The following DISP3 variants were observed in gnomAD, a reference collection of about 807,000 sequenced individuals.
DISP3 encodes the protein dispatched RND transporter family member 3, also known as protein dispatched homolog 3.
Under a neutral mutation model 135.3 loss-of-function variants are expected in DISP3, and 101 were observed. The observed-to-expected ratio is 0.75, with a 90% CI of 0.64 to 0.88. The LOEUF is 0.88. Ranked by LOEUF, DISP3 falls within the 40% of genes least tolerant of loss-of-function variation. DISP3 has a pLI of 0.00. For synonymous variants in DISP3, 856 were observed against 817.0 expected, an observed-to-expected ratio of 1.05 and a Z score of -0.81; for missense variants, 1,713 against 1,878.6, an observed-to-expected ratio of 0.91 and a Z score of 1.63.
At chr1:11,535,720 C>A (rs1363409846) in intron 20 of DISP3, 76 bp downstream of exon 20, 1 of 1,520,714 alleles carries the variant, frequency 6.6e-7, no homozygotes, top group African/African-American at 1.4e-5. Context: ...GAGGGACCCT[C>A]AAGGGCAGCT....
In DISP3 at chr1:11,519,399, GA is replaced by G; in HGVS notation, c.1935del (p.Asp646ThrfsTer86). The G allele has an allele frequency of 6.2e-7, 1 of 1,613,796 alleles. No individual in the cohort carries two copies. Among genetic ancestry groups the G allele is most frequent in the Non-Finnish European group, 8.5e-7 (1 of 1,179,968 alleles). ...CGGAAGACCTCCCTGCACTTCCCCG[GA>G]GACGTGTTTGCCGCTCCCGAGCAGG... ...CSRKTSLHFP[G>X]DVFAAPEQVG... is the part of the protein sequence containing the mutation. On this transcript the variant is annotated frameshift_variant, in exon 8 of 21. Coordinates refer to ENST00000294484, the MANE Select transcript of DISP3 (RefSeq NM_020780.2). LOFTEE classifies it high-confidence loss of function. The surrounding 1 kb of genome is among the most constrained non-coding windows in gnomAD (Gnocchi z 4.3).
At chr1:11,509,306 A>G (rs1641790450) in intron 3 of DISP3, among the ~76,000 whole-genome samples, 1 of 151,908 alleles carries the variant, frequency 6.6e-6, no homozygotes, top group South Asian at 2.1e-4. Flanking sequence ...GTCTTGTTTT[A>G]TGGTTCAGTA....
intron 1 of DISP3, among the ~76,000 whole-genome samples, chr1:11,490,090 AC>A (rs1462034923): frequency 6.7e-6 from 1 of 150,270 alleles, no homozygotes; most frequent in East Asian, 2.0e-4. Flanking sequence ...AGCCTCATAC[AC>A]CCAGGACTTG....
rs143054501 is a variant in DISP3, at chr1:11,501,543, G to T, written c.551G>T (p.Gly184Val). 981 of 1,592,768 alleles carry T rather than the reference G, an allele frequency of 6.2e-4. 11 individuals are homozygous for T. In the East Asian group the frequency reaches 0.021, roughly 34 times the overall value. Residue 184 changes from glycine (G) to valine (V), a missense_variant, in exon 2 of 21, where the codon GGC becomes GTC. Transcript: ENST00000294484. The surrounding 1 kb of genome is among the most constrained non-coding windows in gnomAD (Gnocchi z 4.9). ...VIPAASLGGP[G>V]PYRDTSAAQK... is the part of the protein sequence containing the mutation. ...CCCGCGGCCTCACTCGGTGGCCCAG[G>T]CCCTTACCGGGACACTTCCGCGGCT...
At chr1:11,502,569 CAG>C (rs1413326042) in intron 2 of DISP3, 107 bp from the exon 3 acceptor site, 12 of 855,892 alleles carry the variant, frequency 1.4e-5, no homozygotes, top group Non-Finnish European at 1.8e-5. Flanking sequence ...TGGATATGGA[CAG>C]GGGGAATCCT....
In DISP3 at chr1:11,483,510, C is replaced by T. The variant is rs1280286052; in HGVS notation, c.-4+4138C>T. ...CCAAGGTCACACAGCGAGAAGAGGC[C>T]AAGCTGGGATCAGATTTTGATCTGA... On this transcript the variant is annotated intron_variant, in intron 1 of 20. Coordinates refer to ENST00000294484, the MANE Select transcript of DISP3 (RefSeq NM_020780.2). The surrounding 1 kb of genome is among the most constrained non-coding windows in gnomAD (Gnocchi z 5.4). Among the ~76,000 whole-genome samples the T allele has an allele frequency of 1.3e-5, 2 of 152,304 alleles. No individual in the cohort carries two copies. The highest frequency in any genetic ancestry group is 1.3e-4 in the Admixed American group (2 of 15,300).
intron 1 of DISP3, among the ~76,000 whole-genome samples, chr1:11,480,203 G>T (rs1166625112): frequency 6.6e-6 from 1 of 152,148 alleles, no homozygotes; most frequent in Non-Finnish European, 1.5e-5. Flanking sequence ...GCTTCCCGCT[G>T]TCCCCCACTC....
At chr1:11,497,498 C>T (rs1641368405) in intron 1 of DISP3, among the ~76,000 whole-genome samples, 1 of 152,198 alleles carries the variant, frequency 6.6e-6, no homozygotes, top group Admixed American at 6.5e-5. Flanking sequence ...AGGCCATTCT[C>T]TTGCCTCAGC....
chr1:11,518,876 G>A (rs960197127), intron 7 of DISP3, among the ~76,000 whole-genome samples: 3 of 152,174 alleles, frequency 2.0e-5, no homozygotes, highest in African/African-American at 7.2e-5. Flanking sequence ...GCTCGTATCA[G>A]CCGTGAGGAT....
chr1:11,535,693 C>T (rs1427246749), intron 20 of DISP3, 49 bp downstream of exon 20: 7 of 1,573,774 alleles, frequency 4.4e-6, no homozygotes, highest in Non-Finnish European at 6.0e-6. Context: ...TGGGTCTTCT[C>T]CCACCTGGGT....
At chr1:11,504,776 A>G (rs975736606) in intron 3 of DISP3, among the ~76,000 whole-genome samples, 7 of 152,206 alleles carry the variant, frequency 4.6e-5, no homozygotes, top group African/African-American at 1.7e-4. Flanking sequence ...AGCCAATGCC[A>G]TGCTGTTGAA....
intron 19 of DISP3, 83 bp from the exon 20 acceptor site, chr1:11,535,395 G>A: frequency 4.0e-6 from 6 of 1,504,728 alleles, no homozygotes; most frequent in Non-Finnish European, 5.3e-6. Flanking sequence ...CCTGAGGGTG[G>A]GGGCTGGACT....
intron 3 of DISP3, among the ~76,000 whole-genome samples, chr1:11,512,085 C>T (rs1052531249): frequency 9.9e-5 from 15 of 152,282 alleles, no homozygotes; most frequent in Middle Eastern, 3.4e-3. Context: ...ACCCATGAAA[C>T]CAATTCTTCC....
Position 11,491,495 on chromosome 1 carries a change from C to T in DISP3, c.-3-9495C>T, listed in dbSNP as rs1242504052. 6.6e-6 allele frequency among the ~76,000 whole-genome samples: 1 copy of T among 152,146 alleles called. No homozygotes were observed. The highest frequency in any genetic ancestry group is 1.5e-5 in the Non-Finnish European group (1 of 68,020). ...GTGTGGTGGCATGCACCTGTAGTCT[C>T]AGCTACTTGGGAGGCTGAGCGGGGA... On this transcript the variant is annotated intron_variant, in intron 1 of 20. Transcript: ENST00000294484. The surrounding 1 kb of genome is among the most constrained non-coding windows in gnomAD (Gnocchi z 4.3).
intron 2 of DISP3, 94 bp downstream of exon 2, chr1:11,502,182 A>G: frequency 1.4e-6 from 2 of 1,468,896 alleles, no homozygotes; most frequent in African/African-American, 1.4e-5. Context: ...GCCCAGGCCC[A>G]GGCCCAGTCA....
chr1:11,492,338 G>A (rs1414178560), intron 1 of DISP3, among the ~76,000 whole-genome samples: 1 of 152,042 alleles, frequency 6.6e-6, no homozygotes, highest in East Asian at 1.9e-4. Context: ...GTGTTGGCTG[G>A]GACGTTTCCT....
At chr1:11,521,271 G>GA (rs1557614001) in intron 10 of DISP3, among the ~76,000 whole-genome samples, 1 of 129,112 alleles carries the variant, frequency 7.7e-6, no homozygotes, top group Non-Finnish European at 1.7e-5. Flanking sequence ...GAAAGAAGAG[G>GA]GGTCAACCAG....
At chr1:11,481,038 TTCTCTC>T (rs368929945) in intron 1 of DISP3, among the ~76,000 whole-genome samples, 71 of 129,844 alleles carry the variant, frequency 5.5e-4, no homozygotes, top group African/African-American at 1.8e-3. Context: ...TCCCCCAGGT[TTCTCTC>T]TCTCTCTCTC....
intron 3 of DISP3, among the ~76,000 whole-genome samples, chr1:11,504,248 C>A (rs1472785739): frequency 6.6e-6 from 1 of 152,224 alleles, no homozygotes; most frequent in Non-Finnish European, 1.5e-5. Flanking sequence ...ATGATTATCT[C>A]CATTTTATAG....
Sources: gnomAD v4.1 joint callset for allele counts (sites outside exome capture counted in the v4.1 genomes callset) on GRCh38, gnomAD v4.1.1 for gene constraint, Gnocchi (gnomAD v3.1) non-coding constraint, MANE v1.5 for transcripts, NCBI Gene and HGNC (gene_info 2026-07-23, HGNC 2026-07-21) for gene names.